The following SUPT16H variants were observed in gnomAD, a reference collection of about 807,000 sequenced individuals.
The protein encoded by SUPT16H is SPT16 homolog, facilitates chromatin remodeling subunit.
SUPT16H carries 24 observed loss-of-function variants against 136.2 expected under a neutral mutation model. The observed-to-expected ratio is 0.18, with a 90% CI of 0.13 to 0.25. The LOEUF is 0.25. Ranked by LOEUF, SUPT16H falls within the 10% of genes least tolerant of loss-of-function variation. The pLI, the probability that SUPT16H is intolerant of heterozygous loss-of-function variation, is 1.00. For synonymous variants in SUPT16H, 415 were observed against 428.2 expected, an observed-to-expected ratio of 0.97 and a Z score of 0.38; for missense variants, 623 against 1,270.2, an observed-to-expected ratio of 0.49 and a Z score of 7.74.
At chr14:21,360,607 G>T in intron 17 of SUPT16H, 74 bp from the exon 18 acceptor site, 1 of 1,353,482 alleles carries the variant, frequency 7.4e-7, no homozygotes, top group Non-Finnish European at 1.0e-6. Flanking sequence ...TCTTCTGGCT[G>T]ATTTGCACAG....
intron 22 of SUPT16H, among the ~76,000 whole-genome samples, chr14:21,356,664 C>T (rs894536120): frequency 2.6e-5 from 4 of 152,160 alleles, no homozygotes; most frequent in African/African-American, 7.2e-5. Flanking sequence ...TGCCTGAATC[C>T]AAGAGTTTGA....
At chr14:21,377,088 A>AAAAAAAAAAAAAAC in intron 1 of SUPT16H, among the ~76,000 whole-genome samples, 1 of 151,732 alleles carries the variant, frequency 6.6e-6, no homozygotes, top group Non-Finnish European at 1.5e-5. Flanking sequence ...AAAAAAAAAA[A>AAAAAAAAAAAAAAC]AAAAAAAAGA....
At chr14:21,370,269 G>A in intron 4 of SUPT16H, 67 bp downstream of exon 4, 2 of 1,563,226 alleles carry the variant, frequency 1.3e-6, no homozygotes, top group East Asian at 2.2e-5. Flanking sequence ...TGCACTATCT[G>A]TTATGGAAGC....
intron 1 of SUPT16H, among the ~76,000 whole-genome samples, chr14:21,373,813 C>T (rs1886839216): frequency 1.3e-5 from 2 of 152,060 alleles, no homozygotes; most frequent in South Asian, 2.1e-4. Context: ...CTGCAACCTC[C>T]GCCTCCTGGG....
intron 1 of SUPT16H, chr14:21,383,160 G>T (rs1566399659): frequency 6.4e-6 from 1 of 157,040 alleles, no homozygotes; most frequent in African/African-American, 2.4e-5. Flanking sequence ...CAAAACTGCC[G>T]AATCTTTAAA....
Position 21,384,001 on chromosome 14 carries a change from A to G in SUPT16H, c.-74T>C, listed in dbSNP as rs1887118693. On this transcript the variant is annotated 5_prime_UTR_variant, in exon 1 of 26. Coordinates refer to ENST00000216297, the MANE Select transcript of SUPT16H (RefSeq NM_007192.4). The stretch of plus-strand genomic sequence containing the variant: ...CGGCTCAGCCACCCGCTCTCGGCCC[A>G]GGAATCCCGCACTCTCCCAATGACC... 2.5e-6 allele frequency: 4 copies of G among 1,568,948 alleles called. No individual in the cohort carries two copies. Among genetic ancestry groups the G allele is most frequent in the Non-Finnish European group, 3.5e-6 (4 of 1,140,996 alleles).
At chr14:21,361,393 T>C (rs747733121) in intron 15 of SUPT16H, 180 bp from the exon 16 acceptor site, 7 of 710,800 alleles carry the variant, frequency 9.8e-6, no homozygotes, top group Non-Finnish European at 1.6e-5. Flanking sequence ...CTTAGCTCAC[T>C]GCAACCTTCG....
At chr14:21,378,683 A>G (rs1025584392) in intron 1 of SUPT16H, among the ~76,000 whole-genome samples, 4 of 152,250 alleles carry the variant, frequency 2.6e-5, no homozygotes, top group Admixed American at 6.5e-5. Flanking sequence ...CAGATTTACC[A>G]TAAGTTAATA....
At position 21,383,751 on chromosome 14, in the gene SUPT16H, G is replaced by C. The variant is rs183631779; in HGVS notation, c.66+111C>G. 6.4e-6 allele frequency: 8 copies of C among 1,254,716 alleles called. No individual in the cohort carries two copies. In the African/African-American group the frequency reaches 1.0e-4, roughly 16 times the overall value. 77.7% of individuals were successfully genotyped at this position (1,254,716 alleles called of 1,614,324 possible). ...ATTCGGGAGCAACGAAAAGGGTGAG[G>C]CACAGAACCCGGGAATTCCTGACCG... On this transcript the variant is annotated intron_variant, in intron 1 of 25. Coordinates refer to ENST00000216297, the MANE Select transcript of SUPT16H (RefSeq NM_007192.4).
Position 21,362,788 on chromosome 14 carries a change from C to A in SUPT16H, c.1665+6G>T. ...GGATGAAACCTGATGCACTGAATGT[C>A]AGTACCTTGATTGTGGCAATGTGAA... On this transcript the variant is annotated splice_donor_region_variant and intron_variant, in intron 14 of 25. Coordinates refer to ENST00000216297, the MANE Select transcript of SUPT16H (RefSeq NM_007192.4). 1.3e-6 allele frequency: 2 copies of A among 1,596,778 alleles called. No individual in the cohort carries two copies. Among genetic ancestry groups the A allele is most frequent in the South Asian group, 1.1e-5 (1 of 87,718 alleles).
At chr14:21,359,079 A>T (rs1422345788) in intron 19 of SUPT16H, among the ~76,000 whole-genome samples, 1 of 150,264 alleles carries the variant, frequency 6.7e-6, no homozygotes, top group Non-Finnish European at 1.5e-5. Context: ...TGCTGGGATT[A>T]TAGGCGTGAG....
intron 1 of SUPT16H, among the ~76,000 whole-genome samples, chr14:21,378,960 T>G (rs905401052): frequency 1.3e-5 from 2 of 152,040 alleles, no homozygotes; most frequent in African/African-American, 4.8e-5. Context: ...GTTGGAGAAA[T>G]AGTGCAGCAG....
At chr14:21,380,909 T>C (rs532544754) in intron 1 of SUPT16H, among the ~76,000 whole-genome samples, 6 of 151,370 alleles carry the variant, frequency 4.0e-5, no homozygotes, top group African/African-American at 1.5e-4. Context: ...ATCGTAATCA[T>C]GAAAAGGCTG....
intron 8 of SUPT16H, 66 bp from the exon 9 acceptor site, chr14:21,365,209 ATTCAT>A: frequency 7.1e-7 from 1 of 1,417,696 alleles, no homozygotes; most frequent in South Asian, 1.2e-5. Context: ...AGCATAACAT[ATTCAT>A]TTCAACTTTC....
chr14:21,353,737 A>G lies in SUPT16H; in HGVS notation c.2886T>C (p.Ser962=). The change falls in exon 24 of 26, where the codon AGT becomes AGC. Residue 962 remains serine (S), a synonymous_variant. Transcript: ENST00000216297. ...EDDYEEEEED[S]DEDYSSEAEE... ...CTGCTTCTGATGAATAATCTTCATC[A>G]CTGTCCTCCTCTTCCTCTTCATAGT... 3 of 1,614,030 alleles carry G rather than the reference A, an allele frequency of 1.9e-6. No homozygotes were observed. Among genetic ancestry groups the G allele is most frequent in the East Asian group, 2.2e-5 (1 of 44,876 alleles).
chr14:21,363,702 G>A (rs1886606434), intron 10 of SUPT16H, among the ~76,000 whole-genome samples, 199 bp from the exon 11 acceptor site: 1 of 151,896 alleles, frequency 6.6e-6, no homozygotes, highest in Non-Finnish European at 1.5e-5. Context: ...TTTTGAGACA[G>A]AGTTTCACTC....
chr14:21,352,461 T>TC lies in SUPT16H; in HGVS notation c.*211dup. The TC allele has an allele frequency of 1.5e-6, 1 of 666,000 alleles. No individual in the cohort carries two copies. 41.3% of individuals were successfully genotyped at this position (666,000 alleles called of 1,614,324 possible). A position where few individuals can be genotyped will look rare whatever the true frequency, so the allele number is the denominator to read the frequency against. ...TCCTCCTGTCTTCAAGAACACCTCCTCCCTTGCCATCTGAATGGGGCCATT... is the reference window on the plus strand; with the variant it reads ...TCCTCCTGTCTTCAAGAACACCTCCTCCCCTTGCCATCTGAATGGGGCCATT... On this transcript the variant is annotated 3_prime_UTR_variant, in exon 26 of 26. Transcript: ENST00000216297.
At chr14:21,366,323 G>A in intron 8 of SUPT16H, 116 bp downstream of exon 8, 1 of 934,120 alleles carries the variant, frequency 1.1e-6, no homozygotes, top group Non-Finnish European at 1.7e-6. Flanking sequence ...ACATAGTATA[G>A]TTTGCTAGTC....
chr14:21,378,285 G>A, intron 1 of SUPT16H, among the ~76,000 whole-genome samples: 1 of 152,044 alleles, frequency 6.6e-6, no homozygotes. Context: ...AAAAAATTAA[G>A]GCTAGGGAGA....
Sources: allele counts gnomAD v4.1 joint callset (sites outside exome capture counted in the v4.1 genomes callset), GRCh38; gene constraint gnomAD v4.1.1; transcripts MANE v1.5; gene names NCBI Gene and HGNC (gene_info 2026-07-23, HGNC 2026-07-21).